Variants in VTI1A observed in about 807,000 individuals in gnomAD.
The protein encoded by VTI1A is vesicle transport through interaction with t-SNAREs homolog 1A.
Under a neutral mutation model 34.9 loss-of-function variants are expected in VTI1A, and 22 were observed. The observed-to-expected ratio is 0.63, with a 90% CI of 0.45 to 0.90. The LOEUF (loss-of-function observed/expected upper bound fraction) is 0.90, where lower values mean the gene tolerates loss of function less well. VTI1A is among the 40% of genes least tolerant of loss of function. VTI1A has a pLI of 0.00. For missense variants in VTI1A, 268 were observed against 275.6 expected (o/e 0.97, Z 0.20); for synonymous variants, 87 against 97.3 (o/e 0.89, Z 0.62).
intron 7 of VTI1A, chr10:112,737,563 AG>A: frequency 9.5e-7 from 1 of 1,048,600 alleles, no homozygotes; most frequent in Non-Finnish European, 1.2e-6. Context: ...CTGCATTCCC[AG>A]GGGGCGGCAG....
At chr10:112,627,332 C>T (rs915995389) in intron 5 of VTI1A, among the ~76,000 whole-genome samples, 7 of 152,038 alleles carry the variant, frequency 4.6e-5, no homozygotes, top group Non-Finnish European at 1.0e-4. Context: ...ACTAGAGATA[C>T]CTAAATGTTA....
the VTI1A span, among the ~76,000 whole-genome samples, chr10:112,849,985 A>C: frequency 6.6e-6 from 1 of 152,224 alleles, no homozygotes; most frequent in Admixed American, 6.5e-5. Flanking sequence ...GAAGGTGCAC[A>C]TCCTGGAAAC....
chr10:112,790,829 CTCATAGCTGGAAGTCCCCTGGTAGGAGGA>C lies in VTI1A; in HGVS notation c.561-24459_561-24431del, dbSNP rs374901036. 7.7e-3 allele frequency among the ~76,000 whole-genome samples: 1,166 copies of C among 151,510 alleles called. 13 individuals are homozygous for C. Among genetic ancestry groups the C allele is most frequent in the African/African-American group, 0.027 (1,133 of 41,220 alleles). ...TTTTGTGAATTTGCCGACCTCTTCG[CTCATAGCTGGAAGTCCCCTGGTAGGAGGA>C]TTTTTGCTGGTCTGTAGAATGTGTT... is the stretch of plus-strand genomic sequence containing the variant. On this transcript the variant is annotated intron_variant, in intron 7 of 7. Coordinates refer to ENST00000393077, the MANE Select transcript of VTI1A (RefSeq NM_145206.4).
intron 7 of VTI1A, among the ~76,000 whole-genome samples, chr10:112,715,561 A>G (rs774123013): frequency 6.6e-6 from 1 of 152,194 alleles, no homozygotes; most frequent in Non-Finnish European, 1.5e-5. Flanking sequence ...CTTCTTGTTC[A>G]TAAAAATACT....
chr10:112,771,386 A>G (rs1851811986), intron 7 of VTI1A, among the ~76,000 whole-genome samples: 1 of 152,234 alleles, frequency 6.6e-6, no homozygotes, highest in Non-Finnish European at 1.5e-5. Flanking sequence ...GCACTTCTAA[A>G]GTGAGCAGCA....
intron 5 of VTI1A, among the ~76,000 whole-genome samples, chr10:112,647,185 T>C (rs143647347): frequency 7.0e-4 from 107 of 152,334 alleles, no homozygotes; most frequent in African/African-American, 2.5e-3. Context: ...CATGGGCATG[T>C]GTAAACGGCT....
intron 7 of VTI1A, among the ~76,000 whole-genome samples, chr10:112,794,083 T>C (rs145436138): frequency 5.9e-5 from 9 of 152,290 alleles, no homozygotes; most frequent in African/African-American, 1.9e-4. Flanking sequence ...CAGAATTTAT[T>C]TTACAGTTTT....
chr10:112,656,521 ATTTTTTTTTT>A (rs768159688), intron 5 of VTI1A, among the ~76,000 whole-genome samples: 2 of 103,212 alleles, frequency 1.9e-5, no homozygotes, highest in Admixed American at 2.6e-4. Context: ...CACCCAGATA[ATTTTTTTTTT>A]TTTTTTTTTT....
intron 7 of VTI1A, among the ~76,000 whole-genome samples, chr10:112,748,727 G>T (rs760016807): frequency 7.0e-6 from 1 of 143,630 alleles, no homozygotes; most frequent in East Asian, 2.2e-4. Flanking sequence ...CCGGGTTCAC[G>T]CCATTCTCCT....
At chr10:112,550,467 C>CA (rs754545494) in intron 5 of VTI1A, among the ~76,000 whole-genome samples, 4 of 151,614 alleles carry the variant, frequency 2.6e-5, no homozygotes, top group African/African-American at 4.8e-5. Flanking sequence ...CAACTTATAT[C>CA]AAGTGGAAAA....
intron 7 of VTI1A, among the ~76,000 whole-genome samples, chr10:112,751,733 A>T (rs1487396038): frequency 6.6e-6 from 1 of 152,216 alleles, no homozygotes; most frequent in Non-Finnish European, 1.5e-5. Context: ...TCTACTAGAG[A>T]TTACACATTA....
chr10:112,825,817 C>T, the VTI1A span: 1 of 152,246 alleles, frequency 6.6e-6, no homozygotes, highest in Non-Finnish European at 1.5e-5. Flanking sequence ...AAGGTATCCT[C>T]CTGAGAGAAC....
chr10:112,806,907 C>G (rs2134081635), intron 7 of VTI1A, among the ~76,000 whole-genome samples: 1 of 152,292 alleles, frequency 6.6e-6, no homozygotes, highest in South Asian at 2.1e-4. Flanking sequence ...TTTAAATGGC[C>G]TATTCCAGAG....
At chr10:112,613,687 T>C (rs971370677) in intron 5 of VTI1A, among the ~76,000 whole-genome samples, 1 of 152,216 alleles carries the variant, frequency 6.6e-6, no homozygotes, top group African/African-American at 2.4e-5. Context: ...TAGAGTCTGA[T>C]CCAAAACTAA....
At chr10:112,513,691 T>C (rs553043002) in intron 3 of VTI1A, among the ~76,000 whole-genome samples, 4 of 150,268 alleles carry the variant, frequency 2.7e-5, no homozygotes, top group Middle Eastern at 3.4e-3. Context: ...ATAGACTTTA[T>C]TGTGTTTAGG....
chr10:112,678,979 G>T lies in VTI1A; in HGVS notation c.560+9981G>T, dbSNP rs202056809. Among the ~76,000 whole-genome samples, 20 of 151,976 alleles carry T rather than the reference G, an allele frequency of 1.3e-4. No individual in the cohort carries two copies. In the East Asian group the frequency reaches 3.7e-3, roughly 28 times the overall value. On this transcript the variant is annotated intron_variant, in intron 7 of 7. Transcript: ENST00000393077. ...GAATATGTGGCTTGTTTTCATTTTT[G>T]TTTTTTTCTATAATATAAAATTAGT...
At chr10:112,846,235 T>C in the VTI1A span, among the ~76,000 whole-genome samples, 1 of 152,210 alleles carries the variant, frequency 6.6e-6, no homozygotes, top group Non-Finnish European at 1.5e-5. Context: ...CATGTTCTGT[T>C]GGATCTCCTC....
intron 5 of VTI1A, among the ~76,000 whole-genome samples, chr10:112,631,394 C>G (rs549915921): frequency 5.8e-4 from 88 of 152,246 alleles, no homozygotes; most frequent in African/African-American, 2.1e-3. Context: ...GAAAGAAACC[C>G]CATCCTCGTT....
chr10:112,787,137 G>T (rs1320458247), intron 7 of VTI1A, among the ~76,000 whole-genome samples: 1 of 152,112 alleles, frequency 6.6e-6, no homozygotes, highest in Non-Finnish European at 1.5e-5. Flanking sequence ...TTGGTAATGT[G>T]TATATTTCTA....
Sources: allele counts gnomAD v4.1 joint callset (sites outside exome capture counted in the v4.1 genomes callset), GRCh38; gene constraint gnomAD v4.1.1; transcripts MANE v1.5; gene names NCBI Gene and HGNC (gene_info 2026-07-23, HGNC 2026-07-21).